Variants in APBB1 observed in about 807,000 individuals in gnomAD.
APBB1 encodes adaptor protein FE65a2.
In APBB1, 22 loss-of-function variants were observed where a neutral mutation model predicts 78.4. The observed-to-expected ratio is 0.28, with a 90% CI of 0.20 to 0.40. APBB1 has a LOEUF of 0.40. APBB1 is among the 10% of genes least tolerant of loss of function. The pLI, the probability that APBB1 is intolerant of heterozygous loss-of-function variation, is 1.00. For missense variants in APBB1, 749 were observed against 932.4 expected (o/e 0.80, Z 2.56); for synonymous variants, 369 against 372.7 (o/e 0.99, Z 0.12).
In APBB1 at chr11:6,410,687, C is replaced by T; in HGVS notation, c.661G>A (p.Asp221Asn). The change falls in exon 2 of 15, where the codon GAC becomes AAC. Residue 221 changes from aspartate to asparagine, a missense_variant. Physicochemically the swap from Asp to Asn is conservative, Grantham distance 23 (BLOSUM62 1). Around this residue, in one of 3 missense-constraint regions of APBB1, gnomAD observed 635 missense variants for 765.0 expected, o/e 0.83. Transcript: ENST00000609360. ...TGGGATAAGGTAGCCCAGCTTGAGT[C>T]CTCATCACTGGCTGCACTGTTCCGC... is the stretch of plus-strand genomic sequence containing the variant. ...GMRNSAASDE[D>N]SSWATLSQGS... The T allele has an allele frequency of 6.5e-7, 1 of 1,526,834 alleles. No individual in the cohort carries two copies. Among genetic ancestry groups the T allele is most frequent in the South Asian group, 1.3e-5 (1 of 76,246 alleles). 94.6% of individuals were successfully genotyped at this position (1,526,834 alleles called of 1,614,324 possible).
chr11:6,402,853 G>T, intron 6 of APBB1, 128 bp from the exon 7 acceptor site: 1 of 1,225,580 alleles, frequency 8.2e-7, no homozygotes, highest in Non-Finnish European at 1.1e-6. Flanking sequence ...AACAGGATGT[G>T]GTTAGGGAGA....
At position 6,402,095 on chromosome 11, in the gene APBB1, G is replaced by A. The variant is rs1158664500; in HGVS notation, c.1369C>T (p.Arg457Trp). The change falls in exon 8 of 15, where the codon CGG (arginine) becomes TGG (tryptophan). Residue 457 changes from arginine to tryptophan, a missense_variant. Physicochemically the swap from Arg to Trp is moderately radical, Grantham distance 101. This residue lies in a region of APBB1 where 635 missense variants were observed against 765.0 expected (regional missense o/e 0.83). Coordinates refer to ENST00000609360, the MANE Select transcript of APBB1 (RefSeq NM_001164.5). ...IISIRVWGVG[R>W]DSGRERDFAY... ...CCCTATTCCCACCTTCCACTGTCCC[G>A]CCCGACGCCCCACACGCGGATGCTG... The A allele has an allele frequency of 5.6e-6, 9 of 1,613,818 alleles. No homozygotes were observed. Among genetic ancestry groups the A allele is most frequent in the East Asian group, 2.2e-5 (1 of 44,898 alleles).
intron 2 of APBB1, among the ~76,000 whole-genome samples, 191 bp downstream of exon 2, chr11:6,410,436 C>T (rs567599941): frequency 5.9e-5 from 9 of 152,150 alleles, no homozygotes; most frequent in Non-Finnish European, 1.3e-4. Context: ...TCCATCCATC[C>T]GGGCATGCAT....
At position 6,402,562 on chromosome 11, in the gene APBB1, G is replaced by A. The variant is rs1212385819; in HGVS notation, c.1254+14C>T. 6.2e-7 allele frequency: 1 copy of A among 1,612,940 alleles called. No homozygotes were observed. The highest frequency in any genetic ancestry group is 1.7e-4 in the Middle Eastern group (1 of 6,048). On this transcript the variant is annotated intron_variant, in intron 7 of 14. Transcript: ENST00000609360. ...CTCACAGTACCACCCCCTACCCCCG[G>A]CTCAGGTCCTTACTTCCCCCCAGCC... is the stretch of plus-strand genomic sequence containing the variant.
At position 6,418,968 on chromosome 11, in the gene APBB1, G is replaced by A. The variant is rs1590797648; in HGVS notation, c.-15+17C>T. 3.6e-5 allele frequency: 14 copies of A among 391,336 alleles called. No individual in the cohort carries two copies. The South Asian group carries it at 1.4e-3, about 40-fold the overall frequency. 24.2% of individuals were successfully genotyped at this position (391,336 alleles called of 1,614,324 possible). A position where few individuals can be genotyped will look rare whatever the true frequency, so the allele number is the denominator to read the frequency against. On this transcript the variant is annotated intron_variant, in intron 1 of 14. Coordinates refer to ENST00000609360, the MANE Select transcript of APBB1 (RefSeq NM_001164.5). ...ACGCAGCCACCGGGGCTGGGCCGGG[G>A]CAGGGACACCTCCTACCTGCGCGGT...
At chr11:6,406,134 C>T (rs964844421) in intron 2 of APBB1, among the ~76,000 whole-genome samples, 5 of 152,240 alleles carry the variant, frequency 3.3e-5, no homozygotes, top group African/African-American at 4.8e-5. Flanking sequence ...TCCCTCCAAG[C>T]GCAGCCCACC....
In APBB1 at chr11:6,402,112, C is replaced by T. The variant is rs772042074; in HGVS notation, c.1352G>A (p.Arg451His). Residue 451 changes from arginine (R) to histidine (H), a missense_variant, in exon 8 of 15, where the codon CGC (arginine) becomes CAC (histidine). Arg to His is a conservative substitution (Grantham distance 29, BLOSUM62 0). Transcript: ENST00000609360. ...LLHAQPIISI[R>H]VWGVGRDSGR... Reference sequence around the variant, plus strand: ...ACTGTCCCGCCCGACGCCCCACACGCGGATGCTGATGATGGGTTGGGCGTG... The same window carrying T: ...ACTGTCCCGCCCGACGCCCCACACGTGGATGCTGATGATGGGTTGGGCGTG... The T allele has an allele frequency of 2.4e-5, 38 of 1,614,032 alleles. No homozygotes were observed. The highest frequency in any genetic ancestry group is 4.0e-5 in the African/African-American group (3 of 74,924).
At chr11:6,404,040 G>A in intron 2 of APBB1, 1 of 463,470 alleles carries the variant, frequency 2.2e-6, no homozygotes. Context: ...GGGCCCTGTT[G>A]GTGGCTAATG....
chr11:6,407,729 A>C (rs965484773), intron 2 of APBB1, among the ~76,000 whole-genome samples: 5 of 152,020 alleles, frequency 3.3e-5, no homozygotes, highest in African/African-American at 9.7e-5. Flanking sequence ...GGCCACTAAC[A>C]TCACAAAAAA....
In APBB1 at chr11:6,410,704, C is replaced by T; in HGVS notation, c.644G>A (p.Ser215Asn). ...SASLLFGMRN[S>N]AASDEDSSWA... The stretch of plus-strand genomic sequence containing the variant: ...GCTTGAGTCCTCATCACTGGCTGCA[C>T]TGTTCCGCATGCCAAACAGGAGGCT... The change falls in exon 2 of 15, where the codon AGT becomes AAT. Residue 215 changes from serine to asparagine, a missense_variant. Physicochemically the swap from Ser to Asn is conservative, Grantham distance 46. Coordinates refer to ENST00000609360, the MANE Select transcript of APBB1 (RefSeq NM_001164.5). 6.5e-7 allele frequency: 1 copy of T among 1,544,118 alleles called. No individual in the cohort carries two copies. Among genetic ancestry groups the T allele is most frequent in the Non-Finnish European group, 8.7e-7 (1 of 1,145,930 alleles).
upstream of APBB1, chr11:6,419,218 C>T (rs1360636808): frequency 3.3e-6 from 1 of 301,366 alleles, no homozygotes; most frequent in East Asian, 5.4e-5. Context: ...GGGGCCTCAC[C>T]CTGCGGGCGG....
chr11:6,410,997 G>A lies in APBB1; in HGVS notation c.351C>T (p.Tyr117=), dbSNP rs1848949420. The A allele has an allele frequency of 1.2e-6, 2 of 1,614,198 alleles. No homozygotes were observed. The highest frequency in any genetic ancestry group is 1.7e-6 in the Non-Finnish European group (2 of 1,180,048). ...PLGPKGLIHL[Y]SELELSAHNA... Reference sequence around the variant, plus strand: ...TGTGAGCTGAGAGCTCCAGCTCAGAGTACAGGTGTATCAGGCCTTTGGGGC... The same window carrying A: ...TGTGAGCTGAGAGCTCCAGCTCAGAATACAGGTGTATCAGGCCTTTGGGGC... Residue 117 remains tyrosine, a synonymous_variant, in exon 2 of 15, where the codon TAC becomes TAT. Transcript: ENST00000609360.
chr11:6,404,809 C>G, intron 2 of APBB1: 1 of 1,536,114 alleles, frequency 6.5e-7, no homozygotes, highest in Non-Finnish European at 8.7e-7. Flanking sequence ...CGCTCATTCC[C>G]GGCCCCTCCT....
At chr11:6,417,778 G>A (rs193209187) in intron 1 of APBB1, among the ~76,000 whole-genome samples, 1 of 152,342 alleles carries the variant, frequency 6.6e-6, no homozygotes, top group Admixed American at 6.5e-5. Context: ...TGAGAGAGGG[G>A]TTAATCTCAA....
rs940291449 is a variant in APBB1, at chr11:6,407,821, G to A, written c.721+2806C>T. 4.0e-5 allele frequency among the ~76,000 whole-genome samples: 6 copies of A among 148,672 alleles called. No individual in the cohort carries two copies. In the East Asian group the frequency reaches 5.9e-4, roughly 15 times the overall value. ...GGAGTCTCGCTCTGTCGCCCGGGCC[G>A]GACTGCGGACTGCAGTGGCGCAATC... is the stretch of plus-strand genomic sequence containing the variant. On this transcript the variant is annotated intron_variant, in intron 2 of 14. Coordinates refer to ENST00000609360, the MANE Select transcript of APBB1 (RefSeq NM_001164.5).
rs765560039 is a variant in APBB1 at position 6,401,209 on chromosome 11, C to T, written c.1588+136G>A. ...TCCCCTGCCTCCCTTTAACCGGAGTCCCTCCACGTATTGGAGTATTCAGTC... is the reference window on the plus strand; with the variant it reads ...TCCCCTGCCTCCCTTTAACCGGAGTTCCTCCACGTATTGGAGTATTCAGTC... On this transcript the variant is annotated intron_variant, in intron 11 of 14. Coordinates refer to ENST00000609360, the MANE Select transcript of APBB1 (RefSeq NM_001164.5). This position sits in a 1 kb window ranked among gnomAD's most constrained non-coding sequence, Gnocchi z 4.5. 1 of 1,610,672 alleles carries T rather than the reference C, an allele frequency of 6.2e-7. No individual in the cohort carries two copies. The highest frequency in any genetic ancestry group is 2.2e-5 in the East Asian group (1 of 44,840).
intron 2 of APBB1, among the ~76,000 whole-genome samples, chr11:6,408,020 C>T (rs952359406): frequency 3.3e-5 from 5 of 152,044 alleles, no homozygotes; most frequent in Middle Eastern, 3.4e-3. Context: ...ACCTCATGAT[C>T]CACCCGCCTC....
chr11:6,404,841 A>T (rs559221967), intron 2 of APBB1: 74 of 1,532,224 alleles, frequency 4.8e-5, no homozygotes, highest in Non-Finnish European at 5.9e-5. Context: ...CCCTCCTCAC[A>T]GCCCCTCCAG....
Position 6,401,756 on chromosome 11 carries a change from C to G in APBB1, c.1389-68G>C. The G allele has an allele frequency of 6.4e-7, 1 of 1,558,016 alleles. No individual in the cohort carries two copies. The highest frequency in any genetic ancestry group is 8.8e-7 in the Non-Finnish European group (1 of 1,130,686). ...GTGCTGAGCCTGGTCCCCACCCCAC[C>G]CACGTCCTCCCTGCCCATCACAGCT... On this transcript the variant is annotated intron_variant, in intron 9 of 14. Coordinates refer to ENST00000609360, the MANE Select transcript of APBB1 (RefSeq NM_001164.5). This position sits in a 1 kb window ranked among gnomAD's most constrained non-coding sequence, Gnocchi z 4.5.
Sources: gnomAD v4.1 joint callset for allele counts (sites outside exome capture counted in the v4.1 genomes callset) on GRCh38, gnomAD v4.1.1 for gene constraint, gnomAD v4.1.1 regional missense constraint, Gnocchi (gnomAD v3.1) non-coding constraint, MANE v1.5 for transcripts, NCBI Gene and HGNC (gene_info 2026-07-23, HGNC 2026-07-21) for gene names.